Variants in ROBO1 observed in about 807,000 individuals in gnomAD.
ROBO1 encodes the protein roundabout guidance receptor 1, also known as roundabout homolog 1.
A neutral mutation model predicts 195.9 loss-of-function variants in ROBO1; 149 were observed. The ratio of observed to expected loss-of-function variants is 0.76; its 90% CI spans 0.67 to 0.87. The LOEUF (loss-of-function observed/expected upper bound fraction) is 0.87, where lower values mean the gene tolerates loss of function less well. ROBO1 is among the 40% of genes least tolerant of loss of function. The pLI, the probability that ROBO1 is intolerant of heterozygous loss-of-function variation, is 0.00. For missense variants in ROBO1, 1,933 were observed against 2,068.3 expected (o/e 0.93, Z 1.27); for synonymous variants, 816 against 733.2 (o/e 1.11, Z -1.82).
intron 4 of ROBO1, among the ~76,000 whole-genome samples, chr3:78,869,366 C>CAA (rs2035399703): frequency 1.3e-5 from 2 of 152,238 alleles, no homozygotes; most frequent in South Asian, 4.1e-4. Flanking sequence ...ACATTTTAAA[C>CAA]AAACGTTGAT....
intron 2 of ROBO1, among the ~76,000 whole-genome samples, chr3:79,169,402 T>A (rs567821912): frequency 6.6e-6 from 1 of 152,154 alleles, no homozygotes; most frequent in African/African-American, 2.4e-5. Context: ...GATTATTCTA[T>A]AGGATTCCAC....
intron 4 of ROBO1, among the ~76,000 whole-genome samples, chr3:78,748,075 T>A (rs1217822905): frequency 1.3e-5 from 2 of 152,218 alleles, no homozygotes; most frequent in East Asian, 1.9e-4. Context: ...TAACCTAATT[T>A]AACATGGTAC....
At chr3:78,820,231 CTGT>C (rs1368861848) in intron 4 of ROBO1, among the ~76,000 whole-genome samples, 2 of 152,138 alleles carry the variant, frequency 1.3e-5, no homozygotes, top group Non-Finnish European at 2.9e-5. Context: ...ATATTTTGCA[CTGT>C]TGTTTTTGAT....
At chr3:78,606,605 G>C (rs1477979848) in intron 29 of ROBO1, 128 bp downstream of exon 29, 2 of 839,136 alleles carry the variant, frequency 2.4e-6, no homozygotes, top group Non-Finnish European at 3.9e-6. Context: ...TCGAGTACAT[G>C]CCTATCTCCT....
intron 4 of ROBO1, among the ~76,000 whole-genome samples, chr3:78,897,806 A>T (rs1028744243): frequency 1.3e-5 from 2 of 152,128 alleles, no homozygotes; most frequent in Non-Finnish European, 2.9e-5. Flanking sequence ...AAAGTAGTCT[A>T]CTGCTGATAG....
intron 2 of ROBO1, among the ~76,000 whole-genome samples, chr3:79,192,836 G>A (rs2081564000): frequency 6.6e-6 from 1 of 151,626 alleles, no homozygotes; most frequent in African/African-American, 2.4e-5. Context: ...TGAAAAATGT[G>A]CACTCTGTTT....
intron 2 of ROBO1, chr3:79,533,176 GTATAAACTCTATGATT>G: frequency 3.0e-6 from 1 of 328,232 alleles, no homozygotes. Flanking sequence ...AGGGAATACA[GTATAAACTCTATGATT>G]TAGATCTTTG....
chr3:78,927,011 A>C (rs2039259898), intron 4 of ROBO1, among the ~76,000 whole-genome samples: 1 of 152,198 alleles, frequency 6.6e-6, no homozygotes, highest in Admixed American at 6.5e-5. Context: ...CAACTATGTC[A>C]ATTGCTGACA....
chr3:79,136,279 A>T (rs1425728606), intron 2 of ROBO1, among the ~76,000 whole-genome samples: 2 of 152,156 alleles, frequency 1.3e-5, no homozygotes, highest in Non-Finnish European at 2.9e-5. Flanking sequence ...ACAGCTCAAA[A>T]CATTAGGGTT....
intron 3 of ROBO1, among the ~76,000 whole-genome samples, chr3:79,005,406 G>C (rs1393671506): frequency 1.3e-5 from 2 of 152,138 alleles, no homozygotes; most frequent in African/African-American, 2.4e-5. Flanking sequence ...ATTCCAGCAG[G>C]ATGAATCATT....
Position 78,598,891 on chromosome 3 carries a change from C to G in ROBO1, c.*22G>C. 1 of 1,536,148 alleles carries G rather than the reference C, an allele frequency of 6.5e-7. No homozygotes were observed. The highest frequency in any genetic ancestry group is 8.8e-7 in the Non-Finnish European group (1 of 1,130,350). ...TTGAGTGATGATTTTCACATTAGAT[C>G]TCATAAGCCTCTTGGTTGTCTTCAG... is the stretch of plus-strand genomic sequence containing the variant. On this transcript the variant is annotated 3_prime_UTR_variant, in exon 31 of 31. Transcript: ENST00000464233.
chr3:79,605,530 A>G (rs946938714), intron 1 of ROBO1, among the ~76,000 whole-genome samples: 1 of 151,874 alleles, frequency 6.6e-6, no homozygotes, highest in African/African-American at 2.4e-5. Flanking sequence ...TCTCATTTAA[A>G]TATTTCTTCT....
chr3:79,098,283 C>T (rs1213330604), intron 3 of ROBO1, among the ~76,000 whole-genome samples: 1 of 151,770 alleles, frequency 6.6e-6, no homozygotes, highest in Non-Finnish European at 1.5e-5. Flanking sequence ...TGTGGCTTTA[C>T]TAGAGACAGT....
chr3:79,152,659 C>T (rs2080793462), intron 2 of ROBO1, among the ~76,000 whole-genome samples: 1 of 151,686 alleles, frequency 6.6e-6, no homozygotes, highest in South Asian at 2.1e-4. Context: ...TGATCTTTAG[C>T]TTGATGAAGC....
chr3:79,356,076 C>T (rs1268322119), intron 2 of ROBO1, among the ~76,000 whole-genome samples: 1 of 152,136 alleles, frequency 6.6e-6, no homozygotes, highest in Non-Finnish European at 1.5e-5. Flanking sequence ...AATGGTGGCT[C>T]ACACTTGTAA....
At chr3:79,527,531 A>G (rs893131277) in intron 2 of ROBO1, among the ~76,000 whole-genome samples, 1 of 147,562 alleles carries the variant, frequency 6.8e-6, no homozygotes, top group African/African-American at 2.4e-5. Context: ...ACACTACTTT[A>G]ATTTATCTCT....
intron 2 of ROBO1, among the ~76,000 whole-genome samples, chr3:79,462,701 T>C (rs965923920): frequency 5.3e-5 from 8 of 152,224 alleles, no homozygotes; most frequent in African/African-American, 1.4e-4. Flanking sequence ...AGACATAACT[T>C]TGAAGTTTGC....
At chr3:78,936,512 C>T (rs1328603014) in intron 4 of ROBO1, among the ~76,000 whole-genome samples, 3 of 152,016 alleles carry the variant, frequency 2.0e-5, no homozygotes, top group Non-Finnish European at 2.9e-5. Flanking sequence ...CAACCAATCA[C>T]AGATGGAAAA....
In ROBO1 at chr3:79,497,039, A is replaced by G. The variant is rs558226475; in HGVS notation, c.88+92785T>C. On this transcript the variant is annotated intron_variant, in intron 2 of 30. Coordinates refer to ENST00000464233, the MANE Select transcript of ROBO1 (RefSeq NM_002941.4). ...CTCAGGGACAACTACTCATATTTAG[A>G]TTTTTTTAAAGTGTAAATATTAAAG... is the stretch of plus-strand genomic sequence containing the variant. Among the ~76,000 whole-genome samples the G allele has an allele frequency of 7.3e-4, 111 of 152,278 alleles. 1 individual carries two copies. Among genetic ancestry groups the G allele is most frequent in the Admixed American group, 3.9e-4 (6 of 15,286 alleles).
Sources: allele counts gnomAD v4.1 joint callset (sites outside exome capture counted in the v4.1 genomes callset), GRCh38; gene constraint gnomAD v4.1.1; transcripts MANE v1.5; gene names NCBI Gene and HGNC (gene_info 2026-07-23, HGNC 2026-07-21).